CDKAL1: variants seen among roughly 807,000 people sequenced by gnomAD.
CDKAL1 encodes threonylcarbamoyladenosine tRNA methylthiotransferase.
CDKAL1 carries 32 observed loss-of-function variants against 68.2 expected under a neutral mutation model. The observed-to-expected ratio is 0.47, with a 90% confidence interval of 0.35 to 0.63. The LOEUF (loss-of-function observed/expected upper bound fraction) is 0.63, where lower values mean the gene tolerates loss of function less well. Ranked by LOEUF, CDKAL1 falls within the 30% of genes least tolerant of loss-of-function variation. The pLI is 0.00. For missense variants in CDKAL1, 606 were observed against 696.7 expected, an observed-to-expected ratio of 0.87 and a Z score of 1.47; for synonymous variants, 234 against 244.3, an observed-to-expected ratio of 0.96 and a Z score of 0.39.
At chr6:20,984,754 TCCAG>T (rs2150781695) in intron 10 of CDKAL1, among the ~76,000 whole-genome samples, 1 of 146,304 alleles carries the variant, frequency 6.8e-6, no homozygotes, top group African/African-American at 2.5e-5. Flanking sequence ...ATCTCCAGTG[TCCAG>T]CTGCTTCTCC....
intron 8 of CDKAL1, among the ~76,000 whole-genome samples, chr6:20,842,602 C>T (rs961371753): frequency 2.6e-5 from 4 of 152,132 alleles, no homozygotes; most frequent in East Asian, 3.9e-4. Context: ...GAGGCCAAGG[C>T]GGGTGGATCA....
chr6:20,772,086 G>A (rs78250308), intron 7 of CDKAL1, among the ~76,000 whole-genome samples: 1,625 of 152,306 alleles, frequency 0.011, 17 homozygotes, highest in Middle Eastern at 0.017. Flanking sequence ...CCAGCAGCTT[G>A]AGTGCTGTCT....
At chr6:20,820,415 T>G (rs1160134263) in intron 8 of CDKAL1, among the ~76,000 whole-genome samples, 1 of 152,158 alleles carries the variant, frequency 6.6e-6, no homozygotes, top group African/African-American at 2.4e-5. Context: ...GGTTAAGGAC[T>G]TATATTATTC....
chr6:20,724,793 A>T (rs1337014741), intron 5 of CDKAL1, among the ~76,000 whole-genome samples: 4 of 152,230 alleles, frequency 2.6e-5, no homozygotes, highest in African/African-American at 9.6e-5. Flanking sequence ...ATTCAGGTAG[A>T]TGGAGCTAGA....
chr6:21,154,524 G>GA (rs1776553532), intron 13 of CDKAL1, among the ~76,000 whole-genome samples: 1 of 152,170 alleles, frequency 6.6e-6, no homozygotes, highest in Non-Finnish European at 1.5e-5. Context: ...TGCTCCTTGA[G>GA]AAAAATGTAT....
intron 13 of CDKAL1, among the ~76,000 whole-genome samples, chr6:21,153,231 ATTTC>A (rs1337553627): frequency 1.0e-5 from 1 of 98,908 alleles, no homozygotes; most frequent in Non-Finnish European, 2.0e-5. Context: ...GAGGTATGTG[ATTTC>A]TTTTTTTTTT....
intron 5 of CDKAL1, among the ~76,000 whole-genome samples, chr6:20,720,835 C>G (rs181440507): frequency 6.6e-6 from 1 of 152,184 alleles, no homozygotes; most frequent in African/African-American, 2.4e-5. Context: ...TTTTTTAACT[C>G]CCACATGTAA....
intron 15 of CDKAL1, among the ~76,000 whole-genome samples, chr6:21,213,444 T>C (rs1779235817): frequency 6.6e-6 from 1 of 152,174 alleles, no homozygotes; most frequent in Non-Finnish European, 1.5e-5. Context: ...AGACGAGGAA[T>C]TGGTCATTGG....
chr6:21,073,547 G>T (rs970993425), intron 12 of CDKAL1, among the ~76,000 whole-genome samples: 1 of 152,190 alleles, frequency 6.6e-6, no homozygotes, highest in African/African-American at 2.4e-5. Flanking sequence ...CATTGTAACA[G>T]GTGTGTAATG....
chr6:20,946,593 CTTTTT>C (rs11361870), intron 9 of CDKAL1, among the ~76,000 whole-genome samples: 1 of 91,232 alleles, frequency 1.1e-5, no homozygotes, highest in South Asian at 4.4e-4. Flanking sequence ...CAATCCATAC[CTTTTT>C]TTTTTTTTTT....
At chr6:20,906,228 A>G (rs1214910737) in intron 9 of CDKAL1, among the ~76,000 whole-genome samples, 1 of 151,562 alleles carries the variant, frequency 6.6e-6, no homozygotes, top group Non-Finnish European at 1.5e-5. Context: ...AGACTAATGC[A>G]TTTAAGTTTT....
chr6:20,577,835 AG>A (rs1293808340), intron 4 of CDKAL1, among the ~76,000 whole-genome samples: 1 of 152,202 alleles, frequency 6.6e-6, no homozygotes, highest in African/African-American at 2.4e-5. Flanking sequence ...GGGTATTCAT[AG>A]CCTTTCTTTT....
At chr6:20,887,616 G>GA (rs979957596) in intron 9 of CDKAL1, among the ~76,000 whole-genome samples, 1 of 124,508 alleles carries the variant, frequency 8.0e-6, no homozygotes, top group African/African-American at 2.8e-5. Context: ...ATCTGTGGTA[G>GA]AAAAAAAACT....
At chr6:21,094,896 ACT>A (rs1266370800) in intron 12 of CDKAL1, among the ~76,000 whole-genome samples, 1 of 152,214 alleles carries the variant, frequency 6.6e-6, no homozygotes, top group Non-Finnish European at 1.5e-5. Flanking sequence ...TTTAAGCATA[ACT>A]CTTTTAAAAT....
intron 13 of CDKAL1, among the ~76,000 whole-genome samples, chr6:21,196,986 C>T (rs1182267156): frequency 4.6e-5 from 7 of 151,820 alleles, no homozygotes; most frequent in African/African-American, 7.3e-5. Flanking sequence ...GGCAAAACCC[C>T]GTCTCTACTA....
intron 4 of CDKAL1, among the ~76,000 whole-genome samples, chr6:20,603,002 T>C (rs1305121892): frequency 6.6e-6 from 1 of 152,166 alleles, no homozygotes; most frequent in Non-Finnish European, 1.5e-5. Context: ...GGTATAGATG[T>C]AGGGAGTGGA....
chr6:20,817,320 C>G (rs367553895), intron 8 of CDKAL1, among the ~76,000 whole-genome samples: 1 of 151,942 alleles, frequency 6.6e-6, no homozygotes, highest in Non-Finnish European at 1.5e-5. Flanking sequence ...TGGAATTTTG[C>G]TTATTTTCTT....
At chr6:20,975,728 C>T (rs1232580350) in intron 10 of CDKAL1, among the ~76,000 whole-genome samples, 4 of 151,982 alleles carry the variant, frequency 2.6e-5, no homozygotes, top group South Asian at 2.1e-4. Context: ...ATGCTTCCCA[C>T]GGATGTTAAT....
At chr6:21,185,862 T>C (rs1298395826) in intron 13 of CDKAL1, among the ~76,000 whole-genome samples, 1 of 152,226 alleles carries the variant, frequency 6.6e-6, no homozygotes, top group Non-Finnish European at 1.5e-5. Flanking sequence ...CTCAATATTA[T>C]ATTCCTATAA....
Sources: gnomAD v4.1 joint callset for allele counts (sites outside exome capture counted in the v4.1 genomes callset) on GRCh38, gnomAD v4.1.1 for gene constraint, MANE v1.5 for transcripts, NCBI Gene and HGNC (gene_info 2026-07-23, HGNC 2026-07-21) for gene names.